PDE4DIP: variants seen among roughly 807,000 people sequenced by gnomAD.
PDE4DIP encodes phosphodiesterase 4D interacting protein, also known as myomegalin.
PDE4DIP carries 59 observed loss-of-function variants against 221.4 expected under a neutral mutation model. The observed-to-expected ratio is 0.27, with a 90% CI of 0.22 to 0.33. The LOEUF is 0.33. Ranked by LOEUF, PDE4DIP falls within the 10% of genes least tolerant of loss-of-function variation. PDE4DIP has a pLI of 1.00. For synonymous variants in PDE4DIP, 404 were observed against 815.9 expected (o/e 0.50, Z 8.60); for missense variants, 1,036 against 2,154.2 (o/e 0.48, Z 10.28).
intron 21 of PDE4DIP, chr1:148,986,249 G>C (rs1239814290): frequency 6.6e-6 from 1 of 152,124 alleles, no homozygotes; most frequent in Non-Finnish European, 1.5e-5. Flanking sequence ...AAGGAGGTGA[G>C]TGATATGTTA....
intron 32 of PDE4DIP, among the ~76,000 whole-genome samples, chr1:149,014,321 G>A (rs368848817): frequency 4.5e-5 from 2 of 44,018 alleles, no homozygotes; most frequent in Middle Eastern, 0.011. Flanking sequence ...AAACTCTGGG[G>A]ACTCGTTGCA....
At position 149,030,486 on chromosome 1, in the gene PDE4DIP, T is replaced by C. The variant is rs1280946169; in HGVS notation, c.6999+208T>C. On this transcript the variant is annotated intron_variant, in intron 43 of 43. Coordinates refer to ENST00000369354, the Ensembl canonical transcript of PDE4DIP. ...CACCCCGTCAGCTCCTGCCCCTGTA[T>C]CTTGGTTCACTCTCACATTGTCATC... 5 of 982,812 alleles carry C rather than the reference T, an allele frequency of 5.1e-6. No individual in the cohort carries two copies. In the African/African-American group the frequency reaches 8.8e-5, roughly 17 times the overall value. 60.9% of individuals were successfully genotyped at this position (982,812 alleles called of 1,614,324 possible).
rs61805374 is a variant in PDE4DIP at position 148,953,102 on chromosome 1, A to C, written c.637-7552A>C. Reference sequence around the variant, plus strand: ...GAATAACGATGACTCTGGCGCGGAGATCAAGGCGGGGAATGGGACGGTTGA... The same window carrying C: ...GAATAACGATGACTCTGGCGCGGAGCTCAAGGCGGGGAATGGGACGGTTGA... On this transcript the variant is annotated intron_variant, in intron 5 of 43. Coordinates refer to ENST00000369354, the Ensembl canonical transcript of PDE4DIP. 12,403 of 1,613,942 alleles carry C rather than the reference A, an allele frequency of 7.7e-3. 49 individuals carry two copies. Among genetic ancestry groups the C allele is most frequent in the Non-Finnish European group, 9.5e-3 (11,227 of 1,180,008 alleles).
chr1:148,981,505 T>A, intron 21 of PDE4DIP, 108 bp downstream of exon 24: 2 of 1,368,022 alleles, frequency 1.5e-6, no homozygotes, highest in Non-Finnish European at 2.1e-6. Context: ...ACCAGAAAGA[T>A]CCTTGTCTGA....
intron 26 of PDE4DIP, among the ~76,000 whole-genome samples, 197 bp from the exon 30 acceptor site, chr1:149,004,712 C>G (rs1260078030): frequency 5.4e-5 from 1 of 18,688 alleles, no homozygotes; most frequent in Admixed American, 5.1e-4. Flanking sequence ...AGTGATGAAA[C>G]CTAACTTGTA....
chr1:148,923,638 T>C lies in PDE4DIP; in HGVS notation c.142-5559T>C, dbSNP rs1337954590. 4.1e-5 allele frequency among the ~76,000 whole-genome samples: 6 copies of C among 144,820 alleles called. 1 individual carries two copies. The highest frequency in any genetic ancestry group is 7.5e-5 in the Non-Finnish European group (5 of 66,230). ...ACAGGAGCCCGCCACCGCTCCCGGC[T>C]AATTTTTTGTATTTTTAGTAGAGAC... On this transcript the variant is annotated intron_variant, in intron 1 of 43. Transcript: ENST00000369354.
At chr1:148,951,644 G>A (rs2053284827) in intron 5 of PDE4DIP, among the ~76,000 whole-genome samples, 1 of 151,604 alleles carries the variant, frequency 6.6e-6, no homozygotes, top group Non-Finnish European at 1.5e-5. Context: ...TAATCTACTC[G>A]CGGCTGGCTG....
chr1:148,967,972 CT>C (rs1394410709), intron 13 of PDE4DIP, 67 bp downstream of exon 16: 1 of 923,714 alleles, frequency 1.1e-6, no homozygotes, highest in Non-Finnish European at 1.7e-6. Flanking sequence ...TGGATTAGGA[CT>C]CTTCAGATTG....
intron 19 of PDE4DIP, among the ~76,000 whole-genome samples, chr1:148,979,504 TTC>T (rs1241482512): frequency 1.1e-4 from 17 of 152,354 alleles, no homozygotes; most frequent in Admixed American, 9.8e-4. Flanking sequence ...TGCTTCCAGC[TTC>T]TCTCTGCTTT....
intron 1 of PDE4DIP, among the ~76,000 whole-genome samples, chr1:148,892,352 C>G (rs1553437918): frequency 8.2e-6 from 1 of 122,134 alleles, no homozygotes. Flanking sequence ...TTTGATCTCA[C>G]TCTCTGCTCC....
At position 149,009,703 on chromosome 1, in the gene PDE4DIP, G is replaced by C. The variant is rs199972601; in HGVS notation, c.4839G>C (p.Leu1613=). The C allele has an allele frequency of 5.0e-6, 8 of 1,614,184 alleles. No homozygotes were observed. In the East Asian group the frequency reaches 1.3e-4, roughly 27 times the overall value. The change falls in exon 30 of 44, where the codon CTG becomes CTC. Residue 1613 remains leucine (L), a synonymous_variant. Transcript: ENST00000369354. ...GCTCTCCCAGCAGCACCTCTTTCCT[G>C]TCTGATGAACTGGAAGCCTGCTCTG...
chr1:148,954,906 C>A (rs1360679496), intron 5 of PDE4DIP, among the ~76,000 whole-genome samples: 1 of 152,224 alleles, frequency 6.6e-6, no homozygotes, highest in African/African-American at 2.4e-5. Flanking sequence ...TACTGGTCAA[C>A]GTCATTCCAG....
chr1:149,009,898 G>A (rs2068079992), intron 30 of PDE4DIP, 107 bp downstream of exon 33: 2 of 881,590 alleles, frequency 2.3e-6, no homozygotes, highest in Admixed American at 1.8e-5. Flanking sequence ...GAACATGGCT[G>A]TGGGGCCAAG....
rs587741835 is a variant in PDE4DIP at position 148,935,315 on chromosome 1, C to T, written c.519-2432C>T. Among the ~76,000 whole-genome samples, 17 of 146,464 alleles carry T rather than the reference C, an allele frequency of 1.2e-4. No homozygotes were observed. The East Asian group carries it at 3.5e-3, about 30-fold the overall frequency. ...CCAATATATACAAACAGAGAATATG[C>T]CTAGCACATAGATGATCAATAAGTT... On this transcript the variant is annotated intron_variant, in intron 4 of 43. Coordinates refer to ENST00000369354, the Ensembl canonical transcript of PDE4DIP.
chr1:148,929,180 G>T lies in PDE4DIP; in HGVS notation c.142-17G>T, dbSNP rs373353622. The T allele has an allele frequency of 1.1e-5, 18 of 1,613,130 alleles. No individual in the cohort carries two copies. The African/African-American group carries it at 2.4e-4, about 22-fold the overall frequency. ...TCTGTGGCAGTTAATAACGATTAAT[G>T]CCTGTGTGTTTTTCAGAACATTGAG... On this transcript the variant is annotated splice_polypyrimidine_tract_variant and intron_variant, in intron 1 of 43. Coordinates refer to ENST00000369354, the Ensembl canonical transcript of PDE4DIP.
chr1:148,996,103 A>G lies in PDE4DIP; in HGVS notation c.2905-2040A>G, dbSNP rs2064165085. Among the ~76,000 whole-genome samples the G allele has an allele frequency of 2.0e-5, 3 of 152,140 alleles. No homozygotes were observed. In the South Asian group the frequency reaches 6.2e-4, roughly 31 times the overall value. On this transcript the variant is annotated intron_variant, in intron 22 of 43. Coordinates refer to ENST00000369354, the Ensembl canonical transcript of PDE4DIP. The stretch of plus-strand genomic sequence containing the variant: ...TTTCTGGTGTTAACATTCATGGTCC[A>G]TAATTTTTTCTTTTTAAAGAAAATA...
chr1:148,978,412 A>G, exon 19 of PDE4DIP: 1 of 1,593,662 alleles, frequency 6.3e-7, no homozygotes, highest in Non-Finnish European at 8.6e-7. Context: ...ACCGAAGACA[A>G]CAGGTAAGTT....
exon 23 of PDE4DIP, chr1:148,998,341 G>A (rs781911074): frequency 2.3e-5 from 37 of 1,595,582 alleles, no homozygotes; most frequent in Non-Finnish European, 2.8e-5. Flanking sequence ...GGCTCAAATT[G>A]AGGAAGCAGG....
chr1:148,846,444 CAAAAAAAAA>C (rs143812422), intron 1 of PDE4DIP, among the ~76,000 whole-genome samples: 3 of 3,532 alleles, frequency 8.5e-4, no homozygotes, highest in African/African-American at 4.8e-3. Flanking sequence ...AACTCCGCCT[CAAAAAAAAA>C]AAAAAAAAAA....
Sources: allele counts gnomAD v4.1 joint callset (sites outside exome capture counted in the v4.1 genomes callset), GRCh38; gene constraint gnomAD v4.1.1; transcripts MANE v1.5; gene names NCBI Gene and HGNC (gene_info 2026-07-23, HGNC 2026-07-21).